Variants in DYRK3 observed in about 807,000 individuals in gnomAD.
DYRK3 encodes the protein dual specificity tyrosine-phosphorylation-regulated kinase 3.
DYRK3 carries 30 observed loss-of-function variants against 40.8 expected under a neutral mutation model. The observed-to-expected ratio is 0.74, with a 90% CI of 0.55 to 1.00. The LOEUF (loss-of-function observed/expected upper bound fraction) is 1.00. DYRK3 is among the 50% of genes least tolerant of loss of function. The probability of loss-of-function intolerance (pLI) is 0.00; values close to 1 mark genes in which losing one functional copy is unlikely to be tolerated. For synonymous variants in DYRK3, 272 were observed against 260.7 expected (o/e 1.04, Z -0.42); for missense variants, 699 against 731.5 (o/e 0.96, Z 0.51).
chr1:206,643,732 G>A (rs1671352396), intron 2 of DYRK3, among the ~76,000 whole-genome samples: 1 of 152,122 alleles, frequency 6.6e-6, no homozygotes, highest in Non-Finnish European at 1.5e-5. Context: ...GGCCCTCATT[G>A]AGCAGAAGGC....
rs537029938 is a variant in DYRK3 at position 206,636,768 on chromosome 1, A to G, written c.78-882A>G. On this transcript the variant is annotated intron_variant, in intron 1 of 2. Transcript: ENST00000367109. The stretch of plus-strand genomic sequence containing the variant: ...TGTAAAATGATACAATGAAATGCTG[A>G]TGTGTGTAACTGGGAAATCCGTGTT... 9.2e-5 allele frequency: 53 copies of G among 577,392 alleles called. 4 individuals carry two copies. The South Asian group carries it at 1.3e-3, about 15-fold the overall frequency. 35.8% of individuals were successfully genotyped at this position (577,392 alleles called of 1,614,324 possible).
intron 2 of DYRK3, among the ~76,000 whole-genome samples, chr1:206,640,014 A>G (rs782614720): frequency 7.2e-6 from 1 of 138,152 alleles, no homozygotes; most frequent in African/African-American, 2.8e-5. Flanking sequence ...GGCTTGCTGC[A>G]ACCTCCATCT....
rs781787271 is a variant in DYRK3, at chr1:206,648,579, A to G, written c.1381A>G (p.Arg461Gly). 4 of 1,613,924 alleles carry G rather than the reference A, an allele frequency of 2.5e-6. No individual in the cohort carries two copies. The African/African-American group carries it at 4.0e-5, about 16-fold the overall frequency. The change falls in exon 3 of 3, where the codon AGG becomes GGG. Residue 461 changes from arginine (R) to glycine (G), a missense_variant. Coordinates refer to ENST00000367109, the MANE Select transcript of DYRK3 (RefSeq NM_003582.4). ...YCSVTTQADGRVVLVGGRSRR... is the reference protein window; with the variant it reads ...YCSVTTQADGGVVLVGGRSRR... ...CTCTGTGACTACCCAGGCAGATGGG[A>G]GGGTTGTGCTTGTGGGGGGTCGCTC...
chr1:206,644,035 T>TTTTTTTTTTTG, intron 2 of DYRK3, among the ~76,000 whole-genome samples: 1 of 140,852 alleles, frequency 7.1e-6, no homozygotes. Context: ...CTACAGCTTT[T>TTTTTTTTTTTG]TTTTTTTTTT....
intron 2 of DYRK3, among the ~76,000 whole-genome samples, chr1:206,643,967 ATAT>A (rs1553419703): frequency 6.7e-6 from 1 of 149,648 alleles, no homozygotes; most frequent in Non-Finnish European, 1.5e-5. Context: ...CTGCAAGTAG[ATAT>A]TATTATCCAC....
intron 1 of DYRK3, among the ~76,000 whole-genome samples, chr1:206,636,423 C>T (rs12064385): frequency 0.014 from 2,152 of 152,256 alleles, 55 homozygotes; most frequent in African/African-American, 0.047. Context: ...TATGTGGACG[C>T]CTATCCTGGT....
At chr1:206,636,653 T>TA (rs11412564) in intron 1 of DYRK3, among the ~76,000 whole-genome samples, 122,645 of 152,156 alleles carry the variant, frequency 0.81, 49,722 homozygotes, top group Non-Finnish European at 0.84. Flanking sequence ...AAACAGTTTT[T>TA]AAGGTGACCA....
At chr1:206,642,995 G>A (rs1356294563) in intron 2 of DYRK3, among the ~76,000 whole-genome samples, 1 of 151,948 alleles carries the variant, frequency 6.6e-6, no homozygotes, top group Non-Finnish European at 1.5e-5. Flanking sequence ...TTACCTCCCA[G>A]AATTCTCCAG....
intron 2 of DYRK3, among the ~76,000 whole-genome samples, chr1:206,646,800 T>A (rs1279397325): frequency 6.6e-6 from 1 of 152,260 alleles, no homozygotes; most frequent in Non-Finnish European, 1.5e-5. Flanking sequence ...TCTGCTTCTG[T>A]CACTTGATAG....
At chr1:206,635,824 C>G in intron 1 of DYRK3, 44 bp downstream of exon 1, 2 of 1,242,580 alleles carry the variant, frequency 1.6e-6, no homozygotes, top group Non-Finnish European at 2.0e-6. Flanking sequence ...CCACAGGGAG[C>G]GGCTGGCGCT....
chr1:206,642,394 A>G (rs1671316893), intron 2 of DYRK3, among the ~76,000 whole-genome samples: 1 of 152,132 alleles, frequency 6.6e-6, no homozygotes, highest in African/African-American at 2.4e-5. Context: ...ATCTAGAACT[A>G]GAAATACCAT....
chr1:206,637,588 A>G (rs1671151349), intron 1 of DYRK3, 62 bp from the exon 2 acceptor site: 2 of 1,154,770 alleles, frequency 1.7e-6, no homozygotes, highest in African/African-American at 1.5e-5. Flanking sequence ...TGAAGCAGTT[A>G]AGACATAGGA....
rs571325125 is a variant in DYRK3 at position 206,642,362 on chromosome 1, A to G, written c.189+4601A>G. Among the ~76,000 whole-genome samples the G allele has an allele frequency of 8.9e-4, 136 of 152,024 alleles. 1 individual carries two copies. The highest frequency in any genetic ancestry group is 3.2e-3 in the African/African-American group (133 of 41,362). On this transcript the variant is annotated intron_variant, in intron 2 of 2. Coordinates refer to ENST00000367109, the MANE Select transcript of DYRK3 (RefSeq NM_003582.4). ...TAAACTAGTTCAACCATTGTGGAAG[A>G]CAATGTGGCAATTCCTCAAGGATCT...
chr1:206,645,023 T>G (rs911505737), intron 2 of DYRK3, among the ~76,000 whole-genome samples: 3 of 152,210 alleles, frequency 2.0e-5, no homozygotes, highest in Non-Finnish European at 4.4e-5. Flanking sequence ...TAATACATCA[T>G]GTAACTGTAA....
In DYRK3 at chr1:206,647,368, A is replaced by C; in HGVS notation, c.190-20A>C. On this transcript the variant is annotated intron_variant, in intron 2 of 2. Transcript: ENST00000367109. ...CTTTCTAATGTTTTTAATGACTTAT[A>C]TTCATTTTCTCTTTCATAGATGACC... 1.9e-6 allele frequency: 3 copies of C among 1,558,862 alleles called. No individual in the cohort carries two copies. The highest frequency in any genetic ancestry group is 2.6e-6 in the Non-Finnish European group (3 of 1,154,766).
chr1:206,649,449 G>C lies in DYRK3; in HGVS notation c.*484G>C, dbSNP rs782772491. ...GTGAAAGAGCTCACAGCAGACTGTG[G>C]GGTGGGGGAGCACCAGGAAGCTGTT... On this transcript the variant is annotated 3_prime_UTR_variant, in exon 3 of 3. Coordinates refer to ENST00000367109, the MANE Select transcript of DYRK3 (RefSeq NM_003582.4). Among the ~76,000 whole-genome samples, 1 of 152,208 alleles carries C rather than the reference G, an allele frequency of 6.6e-6. No individual in the cohort carries two copies. The highest frequency in any genetic ancestry group is 1.5e-5 in the Non-Finnish European group (1 of 68,032).
At chr1:206,644,263 G>A (rs1352858072) in intron 2 of DYRK3, among the ~76,000 whole-genome samples, 5 of 151,826 alleles carry the variant, frequency 3.3e-5, no homozygotes, top group African/African-American at 1.2e-4. Flanking sequence ...CCCAACTCCC[G>A]ACCTCAGGTG....
intron 1 of DYRK3, chr1:206,636,908 G>T (rs1671128857): frequency 2.5e-6 from 4 of 1,613,132 alleles, no homozygotes; most frequent in South Asian, 1.1e-5. Flanking sequence ...ACAGAGAAGT[G>T]ATCCTTAATC....
intron 2 of DYRK3, among the ~76,000 whole-genome samples, chr1:206,641,243 C>G (rs1246905911): frequency 6.6e-6 from 1 of 152,110 alleles, no homozygotes; most frequent in Admixed American, 6.5e-5. Flanking sequence ...CCACCCTATC[C>G]CCCAAGTCCC....
Sources: allele counts gnomAD v4.1 joint callset (sites outside exome capture counted in the v4.1 genomes callset), GRCh38; gene constraint gnomAD v4.1.1; transcripts MANE v1.5; gene names NCBI Gene and HGNC (gene_info 2026-07-23, HGNC 2026-07-21).